The following CCDC192 variants were observed in gnomAD, a reference collection of about 807,000 sequenced individuals.
CCDC192 encodes coiled-coil domain-containing protein 192.
chr5:127,928,164 C>A (rs909382411), intron 6 of CCDC192, among the ~76,000 whole-genome samples: 6 of 152,096 alleles, frequency 3.9e-5, no homozygotes, highest in African/African-American at 1.4e-4. Flanking sequence ...AGGTAATCCG[C>A]CTGCCTCAGC....
At chr5:127,702,909 A>G (rs1750764928), upstream of CCDC192, among the ~76,000 whole-genome samples, 1 of 152,234 alleles carries the variant, frequency 6.6e-6, no homozygotes, top group Admixed American at 6.5e-5. Flanking sequence ...AATCAGGCAC[A>G]ATGAATCACT....
intron 5 of CCDC192, among the ~76,000 whole-genome samples, chr5:127,834,020 G>A (rs1749920419): frequency 6.6e-6 from 1 of 152,072 alleles, no homozygotes. Context: ...TGAGCTGAGG[G>A]CAATTGAGCT....
intron 6 of CCDC192, among the ~76,000 whole-genome samples, chr5:127,929,668 T>A (rs1240971207): frequency 1.3e-5 from 2 of 151,590 alleles, no homozygotes; most frequent in Non-Finnish European, 2.9e-5. Context: ...TTCTCAAAAA[T>A]TTTTTTCAGT....
intron 2 of CCDC192, among the ~76,000 whole-genome samples, chr5:127,750,732 T>A (rs1754103536): frequency 7.0e-6 from 1 of 143,238 alleles, no homozygotes; most frequent in African/African-American, 2.6e-5. Flanking sequence ...TCTCCCATTA[T>A]TAATGTGTGG....
intron 6 of CCDC192, among the ~76,000 whole-genome samples, chr5:127,881,665 T>C (rs906549208): frequency 1.3e-5 from 2 of 152,226 alleles, no homozygotes; most frequent in African/African-American, 4.8e-5. Context: ...AATAAACGAT[T>C]TAAGTCGATG....
At chr5:127,745,690 C>A (rs1440470324) in intron 2 of CCDC192, among the ~76,000 whole-genome samples, 2 of 152,014 alleles carry the variant, frequency 1.3e-5, no homozygotes, top group Non-Finnish European at 2.9e-5. Context: ...GGTTCAATTC[C>A]CAAACACCTA....
At chr5:127,702,345 G>C (rs1750742011), upstream of CCDC192, among the ~76,000 whole-genome samples, 1 of 152,140 alleles carries the variant, frequency 6.6e-6, no homozygotes, top group Admixed American at 6.5e-5. Context: ...CTACATGCAA[G>C]GCCGATTGCC....
At chr5:127,756,483 T>A (rs537493055) in intron 3 of CCDC192, among the ~76,000 whole-genome samples, 1 of 152,306 alleles carries the variant, frequency 6.6e-6, no homozygotes, top group South Asian at 2.1e-4. Context: ...ATGTCTTCTG[T>A]TCCTGGGTGC....
intron 2 of CCDC192, among the ~76,000 whole-genome samples, chr5:127,718,154 G>A (rs1394628127): frequency 6.6e-6 from 1 of 151,992 alleles, no homozygotes; most frequent in Non-Finnish European, 1.5e-5. Context: ...TGGGCAAGAC[G>A]ACCTATTTCA....
chr5:127,763,928 G>A (rs1348682991), intron 3 of CCDC192, among the ~76,000 whole-genome samples: 1 of 152,026 alleles, frequency 6.6e-6, no homozygotes, highest in Non-Finnish European at 1.5e-5. Flanking sequence ...CCTCCAAAAT[G>A]CACTTCTTCT....
intron 3 of CCDC192, among the ~76,000 whole-genome samples, chr5:127,768,402 A>C (rs980727652): frequency 1.3e-5 from 2 of 152,220 alleles, no homozygotes; most frequent in Non-Finnish European, 2.9e-5. Flanking sequence ...GACCAGAGTG[A>C]TGCTTCTGCA....
chr5:127,764,126 A>G (rs1449656401), intron 3 of CCDC192, among the ~76,000 whole-genome samples: 2 of 152,156 alleles, frequency 1.3e-5, no homozygotes, highest in African/African-American at 4.8e-5. Flanking sequence ...GTCAAAGCCC[A>G]TGTTTTTTCC....
intron 2 of CCDC192, among the ~76,000 whole-genome samples, chr5:127,726,498 A>G (rs12515892): frequency 0.3 from 45,756 of 152,104 alleles, 7,334 homozygotes; most frequent in South Asian, 0.43. Flanking sequence ...AAAAGCCCCA[A>G]AGAACCTGTC....
chr5:127,753,920 G>T (rs1754407573), intron 2 of CCDC192, among the ~76,000 whole-genome samples: 1 of 152,160 alleles, frequency 6.6e-6, no homozygotes, highest in Non-Finnish European at 1.5e-5. Flanking sequence ...GGCATTCTAG[G>T]TGACATCTTC....
chr5:127,899,983 C>T (rs1480890945), intron 6 of CCDC192, among the ~76,000 whole-genome samples: 1 of 152,206 alleles, frequency 6.6e-6, no homozygotes, highest in African/African-American at 2.4e-5. Context: ...TTCCAAAAGT[C>T]CCTGCCTTCA....
intron 5 of CCDC192, among the ~76,000 whole-genome samples, chr5:127,823,290 A>G (rs1395185162): frequency 2.0e-5 from 3 of 152,038 alleles, no homozygotes; most frequent in Admixed American, 2.0e-4. Flanking sequence ...GCTGTTTACA[A>G]CTCGCCTCTT....
intron 5 of CCDC192, among the ~76,000 whole-genome samples, chr5:127,806,251 A>G (rs1322943319): frequency 6.6e-6 from 1 of 152,128 alleles, no homozygotes; most frequent in Non-Finnish European, 1.5e-5. Flanking sequence ...CAGAGACCTA[A>G]TGTTTGAGTT....
chr5:127,775,363 A>G (rs1755796496), intron 3 of CCDC192, among the ~76,000 whole-genome samples: 1 of 152,180 alleles, frequency 6.6e-6, no homozygotes, highest in Admixed American at 6.5e-5. Flanking sequence ...AATTTTTCAA[A>G]CTAGCCAATC....
chr5:127,785,828 ACCG>A (rs1756506370), intron 3 of CCDC192: 1 of 331,038 alleles, frequency 3.0e-6, no homozygotes, highest in African/African-American at 2.2e-5. Context: ...CATCTTGGTA[ACCG>A]CATTGTTGTT....
Sources: allele counts gnomAD v4.1 joint callset (sites outside exome capture counted in the v4.1 genomes callset), GRCh38; gene constraint gnomAD v4.1.1; transcripts MANE v1.5; gene names NCBI Gene and HGNC (gene_info 2026-07-23, HGNC 2026-07-21).